EXTL2: variants seen among roughly 807,000 people sequenced by gnomAD.
EXTL2 encodes the protein exostosin-like 2.
EXTL2 carries 23 observed loss-of-function variants against 30.7 expected under a neutral mutation model. The ratio of observed to expected loss-of-function variants is 0.75; its 90% CI spans 0.54 to 1.06. The LOEUF (loss-of-function observed/expected upper bound fraction) is 1.06. Among genes scored for constraint, EXTL2 ranks in the 50% least tolerant of loss-of-function variants. The pLI, the probability that EXTL2 is intolerant of heterozygous loss-of-function variation, is 0.00. For synonymous variants in EXTL2, 123 were observed against 133.8 expected, an observed-to-expected ratio of 0.92 and a Z score of 0.56; for missense variants, 352 against 396.3, an observed-to-expected ratio of 0.89 and a Z score of 0.95.
intron 2 of EXTL2, among the ~76,000 whole-genome samples, chr1:100,884,273 A>G (rs1250630361): frequency 6.6e-6 from 1 of 152,212 alleles, no homozygotes; most frequent in African/African-American, 2.4e-5. Flanking sequence ...TTTGCCTCAT[A>G]CTGTCCAGAT....
chr1:100,884,369 C>T (rs1649798324), intron 2 of EXTL2, among the ~76,000 whole-genome samples: 2 of 152,186 alleles, frequency 1.3e-5, no homozygotes, highest in Admixed American at 6.5e-5. Flanking sequence ...AAAGGGGCCT[C>T]AGCTGCCAAG....
At position 100,881,121 on chromosome 1, in the gene EXTL2, A is replaced by T. The variant is rs2038348; in HGVS notation, c.6-3218T>A. On this transcript the variant is annotated intron_variant, in intron 2 of 4. Coordinates refer to ENST00000370114, the MANE Select transcript of EXTL2 (RefSeq NM_001033025.3). ...AGAAACATAGTGTAAATATTTCATGAGGTATTTATTAAATAATGCAACCCA... is the reference window on the plus strand; with the variant it reads ...AGAAACATAGTGTAAATATTTCATGTGGTATTTATTAAATAATGCAACCCA... 10,637 of 747,062 alleles carry T rather than the reference A, an allele frequency of 0.014. 885 individuals are homozygous for T. The African/African-American group carries it at 0.18, about 12-fold the overall frequency. The allele number at this position is 747,062 out of a possible 1,614,324, so 46.3% of individuals were successfully genotyped here.
Position 100,888,829 on chromosome 1 carries a change from C to T in EXTL2, c.-71-1G>A, listed in dbSNP as rs1650183269. 2 of 1,188,436 alleles carry T rather than the reference C, an allele frequency of 1.7e-6. No homozygotes were observed. Among genetic ancestry groups the T allele is most frequent in the African/African-American group, 1.5e-5 (1 of 65,272 alleles). 73.6% of individuals were successfully genotyped at this position (1,188,436 alleles called of 1,614,324 possible). The stretch of plus-strand genomic sequence containing the variant: ...TTGACAGAAGCAGGCTCACTTGTCA[C>T]TATTAAGATAAATCAAAGAATTTTC... On this transcript the variant is annotated splice_acceptor_variant, in intron 1 of 4. Coordinates refer to ENST00000370114, the MANE Select transcript of EXTL2 (RefSeq NM_001033025.3). LOFTEE classifies it low-confidence loss of function (5UTR_SPLICE).
chr1:100,887,274 A>G (rs1408874174), intron 2 of EXTL2, among the ~76,000 whole-genome samples: 1 of 152,256 alleles, frequency 6.6e-6, no homozygotes, highest in African/African-American at 2.4e-5. Flanking sequence ...TTTCATACAG[A>G]TGAATTATGG....
chr1:100,887,811 G>A (rs1650086406), intron 2 of EXTL2, among the ~76,000 whole-genome samples: 1 of 151,938 alleles, frequency 6.6e-6, no homozygotes, highest in Non-Finnish European at 1.5e-5. Context: ...TCATTCTCCT[G>A]CCTCAGCCTC....
intron 2 of EXTL2, among the ~76,000 whole-genome samples, chr1:100,882,832 A>C (rs1557956813): frequency 6.6e-6 from 1 of 151,858 alleles, no homozygotes; most frequent in Non-Finnish European, 1.5e-5. Flanking sequence ...CTCATAAAAA[A>C]ACAAAAAACA....
At position 100,877,331 on chromosome 1, in the gene EXTL2, C is replaced by T; in HGVS notation, c.433+145G>A. 1 of 653,250 alleles carries T rather than the reference C, an allele frequency of 1.5e-6. No homozygotes were observed. The highest frequency in any genetic ancestry group is 1.8e-5 in the African/African-American group (1 of 55,130). The allele number at this position is 653,250 out of a possible 1,614,324, so 40.5% of individuals were successfully genotyped here. ...CACTTCTTGACATCTTGGAAATTGT[C>T]CCTCAAGCTTTCCAAAGTGCTTTCT... is the stretch of plus-strand genomic sequence containing the variant. On this transcript the variant is annotated intron_variant, in intron 3 of 4. Transcript: ENST00000370114. The surrounding 1 kb of genome is among the most constrained non-coding windows in gnomAD (Gnocchi z 4.1).
chr1:100,893,904 G>A (rs767531726), intron 1 of EXTL2, among the ~76,000 whole-genome samples: 1 of 152,144 alleles, frequency 6.6e-6, no homozygotes, highest in Non-Finnish European at 1.5e-5. Flanking sequence ...GGGAATTTGG[G>A]AGTCTCTGGA....
chr1:100,874,835 G>A (rs1200842845), intron 4 of EXTL2, among the ~76,000 whole-genome samples: 2 of 151,968 alleles, frequency 1.3e-5, no homozygotes, highest in African/African-American at 2.4e-5. Context: ...AATCTCTTAG[G>A]AGTATATAAA....
In EXTL2 at chr1:100,885,299, G is replaced by A. The variant is rs562613938; in HGVS notation, c.5+3454C>T. On this transcript the variant is annotated intron_variant, in intron 2 of 4. Transcript: ENST00000370114. The stretch of plus-strand genomic sequence containing the variant: ...GTTTCTATGAAAGCTCTTGGTGAAT[G>A]AGCTGATTTGCCTTGGGGGGAAAGC... 8.5e-5 allele frequency among the ~76,000 whole-genome samples: 13 copies of A among 152,236 alleles called. No individual in the cohort carries two copies. The South Asian group carries it at 2.5e-3, about 29-fold the overall frequency.
chr1:100,890,704 TC>T (rs2100973573), intron 1 of EXTL2, among the ~76,000 whole-genome samples: 1 of 152,304 alleles, frequency 6.6e-6, no homozygotes, highest in East Asian at 1.9e-4. Flanking sequence ...GTTCCTCATC[TC>T]CATCTGAGAC....
intron 1 of EXTL2, among the ~76,000 whole-genome samples, chr1:100,890,234 G>A (rs1650313561): frequency 1.3e-5 from 2 of 152,220 alleles, no homozygotes; most frequent in Non-Finnish European, 2.9e-5. Context: ...AATGTCCTGA[G>A]CTGTATGTTG....
intron 2 of EXTL2, among the ~76,000 whole-genome samples, chr1:100,884,742 C>G (rs1370305011): frequency 2.0e-5 from 3 of 152,204 alleles, no homozygotes; most frequent in Non-Finnish European, 2.9e-5. Flanking sequence ...TCCCTCACCA[C>G]TCTCCACCCT....
In EXTL2 at chr1:100,874,400, G is replaced by C. The variant is rs1648939581; in HGVS notation, c.535C>G (p.Pro179Ala). The C allele has an allele frequency of 6.3e-7, 1 of 1,593,838 alleles. No individual in the cohort carries two copies. The highest frequency in any genetic ancestry group is 1.1e-5 in the South Asian group (1 of 87,668). ...QFPDQIVGFV[P>A]RKHVSTSSGI... ...GATGAAGTAGAGACGTGCTTTCTAG[G>C]AACAAATCCTACAATTTGATCAGGA... The change falls in exon 5 of 5, where the codon CCT becomes GCT. Residue 179 changes from proline (P) to alanine (A), a missense_variant. Pro to Ala is a conservative substitution (Grantham distance 27). Transcript: ENST00000370114.
In EXTL2 at chr1:100,876,882, A is replaced by C. The variant is rs761312736; in HGVS notation, c.434-18T>G. 2 of 1,579,584 alleles carry C rather than the reference A, an allele frequency of 1.3e-6. No homozygotes were observed. The highest frequency in any genetic ancestry group is 1.7e-6 in the Non-Finnish European group (2 of 1,149,320). ...CAACACTGCTAAAATGAAAGGACAA[A>C]AATTTAAGTTGAATAGTTCGGAAAT... On this transcript the variant is annotated intron_variant, in intron 3 of 4. Coordinates refer to ENST00000370114, the MANE Select transcript of EXTL2 (RefSeq NM_001033025.3).
At chr1:100,875,950 T>G (rs559113197) in intron 4 of EXTL2, among the ~76,000 whole-genome samples, 40 of 152,144 alleles carry the variant, frequency 2.6e-4, no homozygotes, top group African/African-American at 9.4e-4. Context: ...ATGGAAAAAT[T>G]TCGTTGGTCA....
At chr1:100,886,963 T>C (rs1650019223) in intron 2 of EXTL2, among the ~76,000 whole-genome samples, 1 of 152,152 alleles carries the variant, frequency 6.6e-6, no homozygotes, top group Non-Finnish European at 1.5e-5. Context: ...GAGGAACATA[T>C]CCATGACTCA....
chr1:100,879,705 C>A (rs764167831), intron 2 of EXTL2, among the ~76,000 whole-genome samples: 1 of 152,164 alleles, frequency 6.6e-6, no homozygotes, highest in Non-Finnish European at 1.5e-5. Context: ...AGTATACTAA[C>A]TGCAAAGAGC....
rs1482916400 is a variant in EXTL2 at position 100,873,028 on chromosome 1, T to G, written c.*914A>C. ...TTTTTAGTATCCAGAAGATAACCAG[T>G]GCTCTACCAATAAAGATCTTTTGAT... On this transcript the variant is annotated 3_prime_UTR_variant, in exon 5 of 5. Transcript: ENST00000370114. 1.3e-5 allele frequency: 2 copies of G among 152,094 alleles called. No individual in the cohort carries two copies. Among genetic ancestry groups the G allele is most frequent in the African/African-American group, 4.8e-5 (2 of 41,448 alleles). 9.4% of individuals were successfully genotyped at this position (152,094 alleles called of 1,614,324 possible). A position where few individuals can be genotyped will look rare whatever the true frequency, so the allele number is the denominator to read the frequency against.
Sources: gnomAD v4.1 joint callset for allele counts (sites outside exome capture counted in the v4.1 genomes callset) on GRCh38, gnomAD v4.1.1 for gene constraint, Gnocchi (gnomAD v3.1) non-coding constraint, MANE v1.5 for transcripts, NCBI Gene and HGNC (gene_info 2026-07-23, HGNC 2026-07-21) for gene names.